Variants in USP13 observed in about 807,000 individuals in gnomAD.
The protein encoded by USP13 is ubiquitin carboxyl-terminal hydrolase 13.
A neutral mutation model predicts 107.8 loss-of-function variants in USP13; 68 were observed. The ratio of observed to expected loss-of-function variants is 0.63; its 90% CI spans 0.52 to 0.77. The LOEUF is 0.77. Ranked by LOEUF, USP13 falls within the 30% of genes least tolerant of loss-of-function variation. USP13 has a pLI of 0.00. For missense variants in USP13, 945 were observed against 1,093.3 expected (o/e 0.86, Z 1.91); for synonymous variants, 377 against 389.5 (o/e 0.97, Z 0.38).
At chr3:179,663,299 T>C (rs1458867748) in intron 1 of USP13, among the ~76,000 whole-genome samples, 1 of 152,222 alleles carries the variant, frequency 6.6e-6, no homozygotes, top group African/African-American at 2.4e-5. Flanking sequence ...GGTTAATCCA[T>C]GTTGTTGTGT....
chr3:179,674,188 C>T (rs1261445479), intron 1 of USP13, among the ~76,000 whole-genome samples: 3 of 152,154 alleles, frequency 2.0e-5, no homozygotes, highest in African/African-American at 4.8e-5. Context: ...CCACTGCGCC[C>T]GGCCTGTTTT....
intron 15 of USP13, among the ~76,000 whole-genome samples, chr3:179,756,813 A>G (rs1714820466): frequency 6.6e-6 from 1 of 152,150 alleles, no homozygotes; most frequent in Admixed American, 6.5e-5. Context: ...GGGAAATAGT[A>G]GTTTGTTAGG....
chr3:179,758,293 C>T (rs142984275), intron 16 of USP13, among the ~76,000 whole-genome samples: 43 of 152,186 alleles, frequency 2.8e-4, no homozygotes, highest in African/African-American at 1.0e-3. Flanking sequence ...AGCTGGCCTG[C>T]AGGATCTCAC....
chr3:179,725,602 G>A (rs1309818095), intron 8 of USP13, among the ~76,000 whole-genome samples: 1 of 152,216 alleles, frequency 6.6e-6, no homozygotes, highest in Non-Finnish European at 1.5e-5. Flanking sequence ...CCAAGTAATA[G>A]TGTATCATGG....
intron 1 of USP13, among the ~76,000 whole-genome samples, chr3:179,663,793 G>A (rs1473485486): frequency 1.3e-5 from 2 of 152,264 alleles, no homozygotes; most frequent in East Asian, 3.9e-4. Context: ...TTCTCTAGGT[G>A]CTCCATGCTC....
rs991578477 is a variant in USP13, at chr3:179,721,250, C to T, written c.901-152C>T. On this transcript the variant is annotated intron_variant, in intron 7 of 20. Transcript: ENST00000263966. This position sits in a 1 kb window ranked among gnomAD's most constrained non-coding sequence, Gnocchi z 4.3. ...CTTTGTTGTGCCACCATCACCGTCT[C>T]TCAGTCTTTTTTATTTGCATTGTTT... The T allele has an allele frequency of 2.6e-6, 2 of 776,684 alleles. No individual in the cohort carries two copies. Among genetic ancestry groups the T allele is most frequent in the Non-Finnish European group, 4.0e-6 (2 of 497,874 alleles). The allele number at this position is 776,684 out of a possible 1,614,324, so 48.1% of individuals were successfully genotyped here. A position where few individuals can be genotyped will look rare whatever the true frequency, so the allele number is the denominator to read the frequency against.
Position 179,708,890 on chromosome 3 carries a change from G to A in USP13, c.738G>A (p.Leu246=). The A allele has an allele frequency of 6.2e-7, 1 of 1,614,106 alleles. No homozygotes were observed. The highest frequency in any genetic ancestry group is 1.1e-5 in the South Asian group (1 of 91,072). Residue 246 remains leucine, a synonymous_variant, in exon 6 of 21, where the codon CTG becomes CTA. Coordinates refer to ENST00000263966, the MANE Select transcript of USP13 (RefSeq NM_003940.3). The part of the protein sequence containing the change: ...FDSSGGNGHA[L]EHYRDMGYPL... ...GCTCTGGGGGCAACGGGCATGCGCT[G>A]GAGCATTACAGAGACATGGGCTACC...
intron 1 of USP13, among the ~76,000 whole-genome samples, chr3:179,671,549 T>A (rs1425195525): frequency 6.6e-6 from 1 of 152,184 alleles, no homozygotes; most frequent in Non-Finnish European, 1.5e-5. Context: ...CAGTGTTTTG[T>A]TACCTGCTTT....
rs1714226021 is a variant in USP13, at chr3:179,742,214, A to G, written c.1398A>G (p.Ser466=). 3 of 1,614,276 alleles carry G rather than the reference A, an allele frequency of 1.9e-6. No individual in the cohort carries two copies. The highest frequency in any genetic ancestry group is 2.5e-6 in the Non-Finnish European group (3 of 1,180,054). The change falls in exon 12 of 21, where the codon TCA becomes TCG. Residue 466 remains serine, a synonymous_variant. Coordinates refer to ENST00000263966, the MANE Select transcript of USP13 (RefSeq NM_003940.3). This position sits in a 1 kb window ranked among gnomAD's most constrained non-coding sequence, Gnocchi z 5.0. ...VNLVERNRIG[S]ENPSDVFRFL... ...TCCTTCAGAGGAACCGCATCGGCTC[A>G]GAAAACCCAAGCGATGTTTTTCGTT...
chr3:179,690,222 T>A lies in USP13; in HGVS notation c.295-19T>A, dbSNP rs80290326. ...TATTTTATAGGCCGCATTTTAATGA[T>A]CTTTTGTTTTCTTTTCAGAAGGTAA... On this transcript the variant is annotated intron_variant, in intron 2 of 20. Coordinates refer to ENST00000263966, the MANE Select transcript of USP13 (RefSeq NM_003940.3). 7,752 of 1,611,196 alleles carry A rather than the reference T, an allele frequency of 4.8e-3. 84 individuals are homozygous for A. The highest frequency in any genetic ancestry group is 0.039 in the African/African-American group (2,916 of 74,688).
intron 1 of USP13, among the ~76,000 whole-genome samples, chr3:179,669,333 G>A (rs1482074073): frequency 6.6e-6 from 1 of 152,024 alleles, no homozygotes. Flanking sequence ...GGCGGCACAC[G>A]CCTGTGGTCC....
At chr3:179,681,327 G>T (rs959927617) in intron 1 of USP13, among the ~76,000 whole-genome samples, 1 of 151,990 alleles carries the variant, frequency 6.6e-6, no homozygotes, top group South Asian at 2.1e-4. Context: ...AAATTCTCTC[G>T]GCCCCTGAGG....
At chr3:179,746,334 A>G (rs973456183) in intron 13 of USP13, among the ~76,000 whole-genome samples, 1 of 151,274 alleles carries the variant, frequency 6.6e-6, no homozygotes, top group Non-Finnish European at 1.5e-5. Context: ...GCTCACTGCA[A>G]CCTCTGCCTC....
Position 179,788,294 on chromosome 3 carries a change from A to G in USP13, c.*4153A>G, listed in dbSNP as rs1022131300. On this transcript the variant is annotated 3_prime_UTR_variant, in exon 21 of 21. Coordinates refer to ENST00000263966, the MANE Select transcript of USP13 (RefSeq NM_003940.3). ...CTTTAGATAAAAGAAATCCTACGCT[A>G]TAGAACAAGGTTCTGTACTCTTGAG... The G allele has an allele frequency of 6.6e-6, 1 of 152,370 alleles. No homozygotes were observed. Among genetic ancestry groups the G allele is most frequent in the African/African-American group, 2.4e-5 (1 of 41,596 alleles). 9.4% of individuals were successfully genotyped at this position (152,370 alleles called of 1,614,324 possible).
At chr3:179,663,126 C>G (rs1720499905) in intron 1 of USP13, among the ~76,000 whole-genome samples, 2 of 152,204 alleles carry the variant, frequency 1.3e-5, no homozygotes, top group South Asian at 4.1e-4. Flanking sequence ...ACTCTGTACC[C>G]TTTAAACAAT....
intron 6 of USP13, among the ~76,000 whole-genome samples, chr3:179,719,353 G>A (rs1713223610): frequency 6.6e-6 from 1 of 152,148 alleles, no homozygotes; most frequent in Non-Finnish European, 1.5e-5. Context: ...CAGATCTCTC[G>A]CTGGTTCTGT....
chr3:179,782,679 T>G (rs1715787549), intron 20 of USP13, among the ~76,000 whole-genome samples: 1 of 152,196 alleles, frequency 6.6e-6, no homozygotes, highest in Non-Finnish European at 1.5e-5. Context: ...TGGACTCCAT[T>G]GTGTTCTTCT....
intron 6 of USP13, among the ~76,000 whole-genome samples, chr3:179,714,256 T>C (rs1441714373): frequency 2.0e-5 from 3 of 152,224 alleles, no homozygotes; most frequent in African/African-American, 7.2e-5. Flanking sequence ...CCTCTTCTAT[T>C]GGCTGTACCA....
chr3:179,768,961 A>G (rs964623913), intron 19 of USP13, among the ~76,000 whole-genome samples: 84 of 152,354 alleles, frequency 5.5e-4, no homozygotes, highest in African/African-American at 2.0e-3. Context: ...TTAGCAACTT[A>G]AGGAAATATA....
Sources: allele counts gnomAD v4.1 joint callset (sites outside exome capture counted in the v4.1 genomes callset), GRCh38; gene constraint gnomAD v4.1.1; non-coding constraint Gnocchi (gnomAD v3.1); transcripts MANE v1.5; gene names NCBI Gene and HGNC (gene_info 2026-07-23, HGNC 2026-07-21).